GSK3B: variants seen among roughly 807,000 people sequenced by gnomAD.
The protein encoded by GSK3B is glycogen synthase kinase-3 beta.
In GSK3B, 15 loss-of-function variants were observed where a neutral mutation model predicts 56.4. The observed-to-expected ratio is 0.27, with a 90% CI of 0.18 to 0.41. The LOEUF is 0.41. Ranked by LOEUF, GSK3B falls within the 10% of genes least tolerant of loss-of-function variation. The pLI, the probability that GSK3B is intolerant of heterozygous loss-of-function variation, is 1.00. For missense variants in GSK3B, 300 were observed against 513.4 expected (o/e 0.58, Z 4.02); for synonymous variants, 181 against 188.9 (o/e 0.96, Z 0.34).
chr3:119,859,184 TAAA>T (rs3031797), intron 9 of GSK3B, among the ~76,000 whole-genome samples: 1 of 143,390 alleles, frequency 7.0e-6, no homozygotes. Flanking sequence ...TTTGTGTATA[TAAA>T]AAAAAAAAAA....
intron 2 of GSK3B, among the ~76,000 whole-genome samples, chr3:119,957,206 T>C (rs2057222699): frequency 1.3e-5 from 2 of 152,240 alleles, no homozygotes; most frequent in Admixed American, 6.5e-5. Context: ...ATAATTAGTG[T>C]GTAAGTTAAA....
intron 1 of GSK3B, among the ~76,000 whole-genome samples, chr3:120,044,254 G>C (rs559085299): frequency 6.6e-6 from 1 of 152,298 alleles, no homozygotes; most frequent in East Asian, 1.9e-4. Context: ...TTCACCTTGT[G>C]TCTCTCACGG....
In GSK3B at chr3:119,824,035, T is replaced by C. The variant is rs775086093; in HGVS notation, c.*2753A>G. 2 of 203,304 alleles carry C rather than the reference T, an allele frequency of 9.8e-6. No homozygotes were observed. The highest frequency in any genetic ancestry group is 2.0e-5 in the Non-Finnish European group (2 of 99,128). The allele number at this position is 203,304 out of a possible 1,614,324, so 12.6% of individuals were successfully genotyped here. ...TACCTACTGTACAGAGTTAAAACTA[T>C]ATGGCTTTAAAAAGCTCGTCTACAT... On this transcript the variant is annotated 3_prime_UTR_variant, in exon 11 of 11. Transcript: ENST00000264235.
intron 7 of GSK3B, among the ~76,000 whole-genome samples, chr3:119,881,922 G>A (rs948388766): frequency 6.6e-6 from 1 of 152,142 alleles, no homozygotes; most frequent in Admixed American, 6.6e-5. Flanking sequence ...ACAAGCTCTC[G>A]TCTCTTGACT....
At position 119,979,031 on chromosome 3, in the gene GSK3B, A is replaced by G. The variant is rs140368527; in HGVS notation, c.282+23015T>C. Among the ~76,000 whole-genome samples the G allele has an allele frequency of 4.6e-5, 7 of 152,222 alleles. No homozygotes were observed. The East Asian group carries it at 1.4e-3, about 29-fold the overall frequency. On this transcript the variant is annotated intron_variant, in intron 2 of 10. Coordinates refer to ENST00000264235, the MANE Select transcript of GSK3B (RefSeq NM_001146156.2). ...GGGTGCCAAACAATTCCACATTCCT[A>G]CGGTCTCTCCACTGTGCTGTCTCCT...
At chr3:119,896,660 A>G (rs1456343008) in intron 7 of GSK3B, among the ~76,000 whole-genome samples, 4 of 152,186 alleles carry the variant, frequency 2.6e-5, no homozygotes, top group Non-Finnish European at 4.4e-5. Context: ...TACTTTTCCT[A>G]CTAGCCAACT....
intron 2 of GSK3B, among the ~76,000 whole-genome samples, chr3:119,965,691 T>A (rs1559856236): frequency 6.6e-6 from 1 of 152,196 alleles, no homozygotes; most frequent in Non-Finnish European, 1.5e-5. Context: ...ACTGGTAGAT[T>A]GTGAAGATTC....
At chr3:119,970,218 T>C (rs747362122) in intron 2 of GSK3B, among the ~76,000 whole-genome samples, 1 of 152,044 alleles carries the variant, frequency 6.6e-6, no homozygotes, top group African/African-American at 2.4e-5. Context: ...TCACTGGGAG[T>C]CTTGGAATGT....
intron 1 of GSK3B, among the ~76,000 whole-genome samples, chr3:120,071,701 T>C (rs1044754738): frequency 6.6e-6 from 1 of 152,218 alleles, no homozygotes; most frequent in African/African-American, 2.4e-5. Flanking sequence ...TGATGAGTTG[T>C]ATAACTATTT....
chr3:119,970,009 C>T (rs986021537), intron 2 of GSK3B, among the ~76,000 whole-genome samples: 1 of 152,218 alleles, frequency 6.6e-6, no homozygotes, highest in Non-Finnish European at 1.5e-5. Flanking sequence ...AGCCCTCTCA[C>T]AGTTAGCAGA....
intron 7 of GSK3B, among the ~76,000 whole-genome samples, chr3:119,879,878 A>G (rs4491945): frequency 0.47 from 71,075 of 151,950 alleles, 19,863 homozygotes; most frequent in Non-Finnish European, 0.61. Flanking sequence ...GCTGATGAAC[A>G]CTTAGGTTGC....
intron 1 of GSK3B, among the ~76,000 whole-genome samples, chr3:120,062,453 A>G (rs145561910): frequency 6.6e-6 from 1 of 152,348 alleles, no homozygotes; most frequent in East Asian, 1.9e-4. Context: ...AAGGAGTTCA[A>G]ATTAAGTCTT....
intron 2 of GSK3B, among the ~76,000 whole-genome samples, chr3:119,960,782 C>T (rs1253581558): frequency 1.3e-5 from 2 of 152,164 alleles, no homozygotes; most frequent in African/African-American, 2.4e-5. Context: ...TCATCTAATA[C>T]ATTATATCTA....
At position 119,823,788 on chromosome 3, in the gene GSK3B, TG is replaced by T. The variant is rs2055452529; in HGVS notation, c.*2999del. On this transcript the variant is annotated 3_prime_UTR_variant, in exon 11 of 11. Transcript: ENST00000264235. ...GATTTCCTCTTCCCACTCCTGAGTA[TG>T]GTATCACTGAAACTTAACTGTGGAA... 5.0e-6 allele frequency: 1 copy of T among 198,094 alleles called. No homozygotes were observed. The highest frequency in any genetic ancestry group is 1.0e-5 in the Non-Finnish European group (1 of 95,710). 12.3% of individuals were successfully genotyped at this position (198,094 alleles called of 1,614,324 possible).
At chr3:119,892,440 C>T (rs1403477412) in intron 7 of GSK3B, among the ~76,000 whole-genome samples, 1 of 152,186 alleles carries the variant, frequency 6.6e-6, no homozygotes. Context: ...CAATATTCAG[C>T]TCAATGGTTA....
chr3:120,047,910 A>G (rs894153321), intron 1 of GSK3B, among the ~76,000 whole-genome samples: 8 of 152,202 alleles, frequency 5.3e-5, no homozygotes, highest in Non-Finnish European at 1.2e-4. Flanking sequence ...GCTTTATGCA[A>G]TCTGCTGTAT....
intron 3 of GSK3B, among the ~76,000 whole-genome samples, chr3:119,939,025 T>C (rs1277238746): frequency 2.0e-5 from 3 of 150,818 alleles, no homozygotes; most frequent in Non-Finnish European, 4.4e-5. Flanking sequence ...AAAAATGTCA[T>C]GAAAGAGGTA....
chr3:119,865,456 ATATATATATATTTTTTT>A (rs1167615259), intron 8 of GSK3B, among the ~76,000 whole-genome samples: 593 of 20,616 alleles, frequency 0.029, 1 homozygote, highest in African/African-American at 0.057. Flanking sequence ...ATATATATAT[ATATATATATATTTTTTT>A]TTTTTTTTTT....
At chr3:120,066,458 C>T (rs1370031876) in intron 1 of GSK3B, among the ~76,000 whole-genome samples, 1 of 152,156 alleles carries the variant, frequency 6.6e-6, no homozygotes, top group East Asian at 1.9e-4. Context: ...TAGATTAAAA[C>T]ATCAAATATA....
Sources: allele counts gnomAD v4.1 joint callset (sites outside exome capture counted in the v4.1 genomes callset), GRCh38; gene constraint gnomAD v4.1.1; transcripts MANE v1.5; gene names NCBI Gene and HGNC (gene_info 2026-07-23, HGNC 2026-07-21).